Variants in ARMC3 observed in about 807,000 individuals in gnomAD.
ARMC3 encodes armadillo repeat-containing protein 3.
In ARMC3, 74 loss-of-function variants were observed where a neutral mutation model predicts 90.3. The ratio of observed to expected loss-of-function variants is 0.82; its 90% CI spans 0.68 to 0.99. The LOEUF is 0.99. Among genes scored for constraint, ARMC3 ranks in the 50% least tolerant of loss-of-function variants. The pLI, the probability that ARMC3 is intolerant of heterozygous loss-of-function variation, is 0.00. For missense variants in ARMC3, 958 were observed against 1,042.8 expected, an observed-to-expected ratio of 0.92 and a Z score of 1.12; for synonymous variants, 334 against 361.8, an observed-to-expected ratio of 0.92 and a Z score of 0.87.
intron 12 of ARMC3, 69 bp downstream of exon 12, chr10:23,002,124 G>A: frequency 1.3e-6 from 2 of 1,547,754 alleles, no homozygotes; most frequent in South Asian, 2.5e-5. Context: ...CACTCTTTAG[G>A]CCCAAGGAAT....
At chr10:22,964,965 A>G (rs1835386816) in intron 7 of ARMC3, among the ~76,000 whole-genome samples, 1 of 152,254 alleles carries the variant, frequency 6.6e-6, no homozygotes, top group East Asian at 1.9e-4. Context: ...ATTGTTACAT[A>G]TTTTATATCT....
chr10:23,017,179 A>G (rs1564399235), intron 16 of ARMC3, among the ~76,000 whole-genome samples: 2 of 152,172 alleles, frequency 1.3e-5, no homozygotes, highest in Non-Finnish European at 2.9e-5. Flanking sequence ...GGTGCATTCA[A>G]TGATACATGA....
intron 11 of ARMC3, among the ~76,000 whole-genome samples, chr10:22,998,744 A>T (rs1020524820): frequency 6.6e-6 from 1 of 152,230 alleles, no homozygotes; most frequent in Non-Finnish European, 1.5e-5. Flanking sequence ...CTGTAGCCAT[A>T]AAATAGAATC....
Position 22,932,041 on chromosome 10 carries a change from T to C in ARMC3, c.45T>C (p.Asp15=). 2 of 1,598,156 alleles carry C rather than the reference T, an allele frequency of 1.3e-6. No individual in the cohort carries two copies. The highest frequency in any genetic ancestry group is 2.7e-5 in the African/African-American group (2 of 73,844). The change falls in exon 2 of 19, where the codon GAT becomes GAC. Residue 15 remains aspartate (D), a synonymous_variant. Coordinates refer to ENST00000298032, the MANE Select transcript of ARMC3 (RefSeq NM_173081.5). The part of the protein sequence containing the change: ...IKKEVEPPPK[D]VFDPLMIESK... ...AGGAAGTAGAGCCTCCTCCTAAGGATGTGGTAAGTTTCTGATTTGAATACT... is the reference window on the plus strand; with the variant it reads ...AGGAAGTAGAGCCTCCTCCTAAGGACGTGGTAAGTTTCTGATTTGAATACT...
chr10:22,937,651 C>T (rs1425268143), intron 2 of ARMC3, among the ~76,000 whole-genome samples: 1 of 152,170 alleles, frequency 6.6e-6, no homozygotes, highest in Non-Finnish European at 1.5e-5. Context: ...TATGATTTCA[C>T]ATAGAGAATG....
chr10:22,945,977 C>G (rs556443999), intron 2 of ARMC3, among the ~76,000 whole-genome samples, 167 bp from the exon 3 acceptor site: 9 of 152,334 alleles, frequency 5.9e-5, no homozygotes, highest in African/African-American at 2.2e-4. Context: ...AATTGTTTCT[C>G]TAGCGGTTGA....
intron 8 of ARMC3, among the ~76,000 whole-genome samples, chr10:22,970,632 A>G (rs1281580962): frequency 6.6e-6 from 1 of 152,238 alleles, no homozygotes; most frequent in Non-Finnish European, 1.5e-5. Flanking sequence ...GTGAGATGTG[A>G]AGGTGCCCTG....
intron 3 of ARMC3, among the ~76,000 whole-genome samples, chr10:22,947,311 A>G (rs1481283832): frequency 7.1e-6 from 1 of 141,366 alleles, no homozygotes; most frequent in Non-Finnish European, 1.5e-5. Context: ...GTCTCAAAAA[A>G]CAAACCAACC....
chr10:23,030,923 A>C (rs1838904582), intron 17 of ARMC3, 127 bp downstream of exon 17: 2 of 1,021,276 alleles, frequency 2.0e-6, no homozygotes, highest in Non-Finnish European at 2.8e-6. Context: ...TGACTCTGAC[A>C]CAGAAACACA....
intron 7 of ARMC3, among the ~76,000 whole-genome samples, chr10:22,964,611 G>A (rs777060740): frequency 1.3e-5 from 2 of 151,658 alleles, no homozygotes; most frequent in Admixed American, 6.6e-5. Context: ...GCTAATTTTT[G>A]TATTTTTGGT....
intron 7 of ARMC3, among the ~76,000 whole-genome samples, chr10:22,966,057 C>T (rs1835424980): frequency 6.6e-6 from 1 of 152,154 alleles, no homozygotes; most frequent in African/African-American, 2.4e-5. Context: ...TCTAGTGATT[C>T]CAGATTCTGT....
At position 23,030,738 on chromosome 10, in the gene ARMC3, G is replaced by T; in HGVS notation, c.2188G>T (p.Val730Leu). Residue 730 changes from valine (V) to leucine (L), a missense_variant, in exon 17 of 19, where the codon GTG (valine) becomes TTG (leucine). Physicochemically the swap from Val to Leu is conservative, Grantham distance 32. Transcript: ENST00000298032. ...TGATTTCTCTATGTATGTGTATGAGGTGACCAAATCAATACTGCCAATAAC... is the reference window on the plus strand; with the variant it reads ...TGATTTCTCTATGTATGTGTATGAGTTGACCAAATCAATACTGCCAATAAC... ...DPDFSMYVYE[V>L]TKSILPITNI... 1.9e-6 allele frequency: 3 copies of T among 1,613,768 alleles called. No individual in the cohort carries two copies. The highest frequency in any genetic ancestry group is 2.5e-6 in the Non-Finnish European group (3 of 1,179,788).
At chr10:23,033,345 C>T (rs1238465068) in intron 18 of ARMC3, among the ~76,000 whole-genome samples, 1 of 152,086 alleles carries the variant, frequency 6.6e-6, no homozygotes, top group Non-Finnish European at 1.5e-5. Context: ...AATGACAGTC[C>T]CTACACTCAA....
intron 10 of ARMC3, among the ~76,000 whole-genome samples, chr10:22,994,271 C>G (rs1171373232): frequency 6.6e-6 from 1 of 151,974 alleles, no homozygotes; most frequent in Non-Finnish European, 1.5e-5. Context: ...TGGGAAAGAG[C>G]CTGGCATATT....
intron 3 of ARMC3, among the ~76,000 whole-genome samples, chr10:22,947,570 T>G (rs1019463981): frequency 6.6e-6 from 1 of 152,162 alleles, no homozygotes; most frequent in Non-Finnish European, 1.5e-5. Flanking sequence ...ATTCACATAA[T>G]GGAGGCATAA....
At chr10:22,987,290 G>A (rs896944965) in intron 10 of ARMC3, among the ~76,000 whole-genome samples, 3 of 152,082 alleles carry the variant, frequency 2.0e-5, no homozygotes, top group Admixed American at 6.5e-5. Flanking sequence ...ATTCTCTGAG[G>A]AGCAGACCCT....
intron 2 of ARMC3, among the ~76,000 whole-genome samples, chr10:22,941,096 G>T (rs759182459): frequency 6.6e-6 from 1 of 152,052 alleles, no homozygotes; most frequent in Non-Finnish European, 1.5e-5. Context: ...TACACAAAGG[G>T]TCCCTATGTA....
chr10:22,932,049 G>A lies in ARMC3; in HGVS notation c.48+5G>A, dbSNP rs1833952614. The A allele has an allele frequency of 1.3e-6, 2 of 1,596,208 alleles. No homozygotes were observed. On this transcript the variant is annotated splice_donor_5th_base_variant and intron_variant, in intron 2 of 18. Transcript: ENST00000298032. ...GAGCCTCCTCCTAAGGATGTGGTAA[G>A]TTTCTGATTTGAATACTAGTAGCAC...
chr10:22,991,078 T>G (rs184089758), intron 10 of ARMC3, among the ~76,000 whole-genome samples: 202 of 152,250 alleles, frequency 1.3e-3, no homozygotes, highest in African/African-American at 4.6e-3. Flanking sequence ...ATTCTTTTGG[T>G]TTTTGTTTTC....
Sources: gnomAD v4.1 joint callset for allele counts (sites outside exome capture counted in the v4.1 genomes callset) on GRCh38, gnomAD v4.1.1 for gene constraint, MANE v1.5 for transcripts, NCBI Gene and HGNC (gene_info 2026-07-23, HGNC 2026-07-21) for gene names.